The following FOXP2 variants were observed in gnomAD, a reference collection of about 807,000 sequenced individuals.
FOXP2 encodes the protein forkhead box protein P2.
A neutral mutation model predicts 115.8 loss-of-function variants in FOXP2; 12 were observed. That is an observed-to-expected ratio of 0.10 (90% CI 0.07 to 0.17). FOXP2 has a LOEUF of 0.17. FOXP2 is among the 10% of genes least tolerant of loss of function. FOXP2 has a pLI of 1.00. For missense variants in FOXP2, 629 were observed against 843.5 expected, an observed-to-expected ratio of 0.75 and a Z score of 3.15; for synonymous variants, 328 against 297.7, an observed-to-expected ratio of 1.10 and a Z score of -1.05.
chr7:114,537,963 A>G (rs1452730907), intron 3 of FOXP2, among the ~76,000 whole-genome samples: 1 of 151,682 alleles, frequency 6.6e-6, no homozygotes, highest in African/African-American at 2.4e-5. Context: ...ACATATCCTA[A>G]TAATAACAGC....
rs1793270039 is a variant in FOXP2 at position 114,414,942 on chromosome 7, A to G, written c.-429A>G. ...CACATGCACACACACACATACACAC[A>G]CACAAAAATGAAGCACTTACTTTAG... On this transcript the variant is annotated 5_prime_UTR_variant, in exon 1 of 17. Coordinates refer to ENST00000350908, the MANE Select transcript of FOXP2 (RefSeq NM_014491.4). 2.5e-6 allele frequency: 1 copy of G among 404,276 alleles called. No homozygotes were observed. Among genetic ancestry groups the G allele is most frequent in the South Asian group, 1.8e-5 (1 of 54,548 alleles). 25.0% of individuals were successfully genotyped at this position (404,276 alleles called of 1,614,324 possible).
Position 114,240,698 on chromosome 7 carries a change from CA to C in FOXP2, c.-101-47312del, listed in dbSNP as rs200290044. 5.0e-4 allele frequency among the ~76,000 whole-genome samples: 75 copies of C among 148,924 alleles called. 1 individual carries two copies. Among genetic ancestry groups the C allele is most frequent in the Non-Finnish European group, 9.1e-4 (61 of 66,978 alleles). Reference sequence around the variant, plus strand: ...CTATACAGATTCTTGAAAATATTTTCAAAAAAAAACCCTATTTCAAAGTTTA... The same window carrying C: ...CTATACAGATTCTTGAAAATATTTTCAAAAAAAACCCTATTTCAAAGTTTA... On this transcript the variant is annotated intron_variant, in intron 1 of 17. Transcript: ENST00000634411.
At chr7:114,560,343 C>T (rs1800701851) in intron 3 of FOXP2, among the ~76,000 whole-genome samples, 1 of 152,130 alleles carries the variant, frequency 6.6e-6, no homozygotes, top group African/African-American at 2.4e-5. Flanking sequence ...CAGTGTCTCA[C>T]ACCTGTAATC....
intron 1 of FOXP2, among the ~76,000 whole-genome samples, chr7:114,241,448 C>T (rs1487760580): frequency 1.3e-5 from 2 of 152,018 alleles, no homozygotes; most frequent in Admixed American, 6.6e-5. Context: ...GAATTTAAGT[C>T]ATGCACAAAT....
At chr7:114,459,363 C>T (rs924670964) in intron 2 of FOXP2, among the ~76,000 whole-genome samples, 8 of 152,148 alleles carry the variant, frequency 5.3e-5, no homozygotes, top group Non-Finnish European at 8.8e-5. Context: ...AAACCCCTGA[C>T]GATGGTATGC....
At chr7:114,137,052 C>T (rs1253016737) in intron 1 of FOXP2, among the ~76,000 whole-genome samples, 1 of 151,940 alleles carries the variant, frequency 6.6e-6, no homozygotes, top group African/African-American at 2.4e-5. Context: ...TATGAGTTTG[C>T]CTTTCATCAA....
intron 2 of FOXP2, among the ~76,000 whole-genome samples, chr7:114,305,797 T>A (rs1797000285): frequency 6.6e-6 from 1 of 152,142 alleles, no homozygotes; most frequent in Non-Finnish European, 1.5e-5. Context: ...ACATATTAAC[T>A]CATTTAATAT....
intron 2 of FOXP2, among the ~76,000 whole-genome samples, chr7:114,319,448 G>A (rs1198422484): frequency 6.6e-6 from 1 of 152,218 alleles, no homozygotes; most frequent in African/African-American, 2.4e-5. Context: ...GAAGAAAGAG[G>A]TTTATTGGAC....
At chr7:114,287,462 G>A (rs944191332) in intron 1 of FOXP2, among the ~76,000 whole-genome samples, 1 of 151,880 alleles carries the variant, frequency 6.6e-6, no homozygotes, top group Non-Finnish European at 1.5e-5. Context: ...AAAGAAGGAA[G>A]AAACTAGAAA....
intron 2 of FOXP2, among the ~76,000 whole-genome samples, chr7:114,368,248 CA>C (rs1791925744): frequency 6.6e-6 from 1 of 151,992 alleles, no homozygotes; most frequent in Non-Finnish European, 1.5e-5. Context: ...AATTTGAAAA[CA>C]AAATTGGGTA....
chr7:114,394,017 AGAGAG>A (rs1792678086), intron 2 of FOXP2, among the ~76,000 whole-genome samples: 1 of 151,226 alleles, frequency 6.6e-6, no homozygotes, highest in African/African-American at 2.4e-5. Context: ...AGAGAGAGAG[AGAGAG>A]AGAGAGATCC....
intron 13 of FOXP2, among the ~76,000 whole-genome samples, chr7:114,659,904 G>A (rs1283398368): frequency 2.0e-5 from 3 of 152,246 alleles, no homozygotes; most frequent in African/African-American, 2.4e-5. Context: ...GCAGAGAAAC[G>A]AGGGCCTGAC....
At chr7:114,353,797 A>G (rs953502918) in intron 2 of FOXP2, among the ~76,000 whole-genome samples, 1 of 152,032 alleles carries the variant, frequency 6.6e-6, no homozygotes, top group African/African-American at 2.4e-5. Flanking sequence ...CATAGCTCAT[A>G]GTCTTCTGCC....
intron 1 of FOXP2, among the ~76,000 whole-genome samples, chr7:114,267,787 A>T (rs1180244715): frequency 1.3e-5 from 2 of 148,286 alleles, no homozygotes; most frequent in South Asian, 2.1e-4. Flanking sequence ...AAATAAAATA[A>T]ATATATATGT....
At chr7:114,474,835 A>AT (rs1039921397) in intron 2 of FOXP2, among the ~76,000 whole-genome samples, 6 of 151,604 alleles carry the variant, frequency 4.0e-5, no homozygotes, top group Admixed American at 2.6e-4. Context: ...ACATATTCAT[A>AT]TTTTTTTTCA....
At chr7:114,303,877 CAT>C (rs1167690487) in intron 2 of FOXP2, among the ~76,000 whole-genome samples, 1 of 151,954 alleles carries the variant, frequency 6.6e-6, no homozygotes, top group Non-Finnish European at 1.5e-5. Flanking sequence ...AAGAATGAAA[CAT>C]GAGATGTTTT....
Position 114,645,090 on chromosome 7 carries a change from A to G in FOXP2, c.1094+301A>G, listed in dbSNP as rs1805803402. On this transcript the variant is annotated intron_variant, in intron 8 of 16. Coordinates refer to ENST00000350908, the MANE Select transcript of FOXP2 (RefSeq NM_014491.4). ...ACTATTTATAAAATAGAATTCTCTT[A>G]AGTTTTAAGTTTCTAATTAATATTA... 3.8e-5 allele frequency: 6 copies of G among 157,144 alleles called. No homozygotes were observed. In the South Asian group the frequency reaches 6.8e-4, roughly 18 times the overall value. The allele number at this position is 157,144 out of a possible 1,614,324, so 9.7% of individuals were successfully genotyped here.
At chr7:114,661,746 T>C (rs1257617693) in intron 13 of FOXP2, 1 of 358,692 alleles carries the variant, frequency 2.8e-6, no homozygotes, top group Non-Finnish European at 5.4e-6. Context: ...ACAACAGAGC[T>C]GACCTAATTG....
chr7:114,308,085 C>G (rs908588658), intron 2 of FOXP2, among the ~76,000 whole-genome samples: 1 of 152,090 alleles, frequency 6.6e-6, no homozygotes, highest in Non-Finnish European at 1.5e-5. Flanking sequence ...ACTCCATAGC[C>G]ACAAATTTGG....
Sources: gnomAD v4.1 joint callset for allele counts (sites outside exome capture counted in the v4.1 genomes callset) on GRCh38, gnomAD v4.1.1 for gene constraint, MANE v1.5 for transcripts, NCBI Gene and HGNC (gene_info 2026-07-23, HGNC 2026-07-21) for gene names.